Variants in AOX1 observed in about 807,000 individuals in gnomAD.
AOX1 encodes aldehyde oxidase.
A neutral mutation model predicts 169.5 loss-of-function variants in AOX1; 153 were observed. That is an observed-to-expected ratio of 0.90 (90% CI 0.79 to 1.03). The LOEUF is 1.03. Ranked by LOEUF, AOX1 falls within the 50% of genes least tolerant of loss-of-function variation. AOX1 has a pLI of 0.00. For missense variants in AOX1, 1,656 were observed against 1,663.9 expected, an observed-to-expected ratio of 1.00 and a Z score of 0.08; for synonymous variants, 562 against 581.9, an observed-to-expected ratio of 0.97 and a Z score of 0.49.
At chr2:200,635,476 A>G (rs976988808) in intron 21 of AOX1, among the ~76,000 whole-genome samples, 2 of 148,744 alleles carry the variant, frequency 1.3e-5, no homozygotes, top group Non-Finnish European at 3.0e-5. Flanking sequence ...TGGAGAAATT[A>G]GGAAAGAGTT....
At chr2:200,657,830 C>T (rs1048837882) in intron 27 of AOX1, among the ~76,000 whole-genome samples, 1 of 152,134 alleles carries the variant, frequency 6.6e-6, no homozygotes, top group Non-Finnish European at 1.5e-5. Flanking sequence ...AAAACAAAGA[C>T]CCTACACAGT....
intron 9 of AOX1, 70 bp downstream of exon 9, chr2:200,604,910 C>A: frequency 2.2e-6 from 2 of 907,170 alleles, no homozygotes; most frequent in Non-Finnish European, 3.4e-6. Context: ...CCGGGGTGGG[C>A]TGGGGAAACT....
chr2:200,590,867 C>T (rs2034155962), intron 1 of AOX1, among the ~76,000 whole-genome samples: 1 of 152,110 alleles, frequency 6.6e-6, no homozygotes, highest in Non-Finnish European at 1.5e-5. Context: ...ACCCACGTTT[C>T]TTCTCTCTTT....
At chr2:200,641,038 G>A in intron 23 of AOX1, 60 bp from the exon 24 acceptor site, 1 of 1,296,560 alleles carries the variant, frequency 7.7e-7, no homozygotes, top group Non-Finnish European at 1.1e-6. Flanking sequence ...GTTTGCAAAT[G>A]ACAAAATTTG....
chr2:200,597,589 A>C (rs1171025380), intron 4 of AOX1, 84 bp downstream of exon 4: 1 of 994,304 alleles, frequency 1.0e-6, no homozygotes, highest in African/African-American at 1.6e-5. Flanking sequence ...AGAGCGGAGC[A>C]GCCTGGGGCC....
intron 1 of AOX1, among the ~76,000 whole-genome samples, chr2:200,590,882 T>G (rs1574902874): frequency 6.6e-6 from 1 of 152,124 alleles, no homozygotes; most frequent in African/African-American, 2.4e-5. Flanking sequence ...CTCTTTTTTC[T>G]CTCCTGCCAT....
At chr2:200,620,549 T>C in intron 16 of AOX1, 101 bp from the exon 17 acceptor site, 2 of 1,126,870 alleles carry the variant, frequency 1.8e-6, no homozygotes, top group South Asian at 4.1e-5. Context: ...CTGGTTTGAG[T>C]CTAAATTATA....
At chr2:200,665,711 C>A (rs1280881877) in intron 31 of AOX1, among the ~76,000 whole-genome samples, 2 of 152,186 alleles carry the variant, frequency 1.3e-5, no homozygotes, top group Non-Finnish European at 2.9e-5. Flanking sequence ...GGATTACAGG[C>A]ATAAGCCAGC....
chr2:200,596,644 T>C (rs1302001889), intron 3 of AOX1, among the ~76,000 whole-genome samples: 4 of 152,226 alleles, frequency 2.6e-5, no homozygotes, highest in Non-Finnish European at 5.9e-5. Flanking sequence ...TTCTCCTTAT[T>C]CCTGTTTAAG....
intron 7 of AOX1, 80 bp downstream of exon 7, chr2:200,603,436 C>A: frequency 8.9e-7 from 1 of 1,124,352 alleles, no homozygotes; most frequent in Non-Finnish European, 1.3e-6. Context: ...GAACAAATGG[C>A]TACCCAAGTT....
At chr2:200,638,450 C>A in intron 23 of AOX1, 148 bp downstream of exon 23, 3 of 669,812 alleles carry the variant, frequency 4.5e-6, no homozygotes, top group Non-Finnish European at 7.6e-6. Context: ...ATTGGTTGCA[C>A]TGACTTTTAA....
chr2:200,670,601 T>G (rs770180374), intron 34 of AOX1, 28 bp from the exon 35 acceptor site: 22 of 1,601,538 alleles, frequency 1.4e-5, no homozygotes, highest in Non-Finnish European at 1.9e-5. Flanking sequence ...TTCCCAGGTT[T>G]GAACATCCAG....
chr2:200,646,799 C>T (rs2035462194), intron 25 of AOX1, among the ~76,000 whole-genome samples: 1 of 152,072 alleles, frequency 6.6e-6, no homozygotes, highest in Non-Finnish European at 1.5e-5. Context: ...GGCCTTTTAC[C>T]ATTATATAAT....
Position 200,638,250 on chromosome 2 carries a change from G to T in AOX1, c.2516G>T (p.Gly839Val). Residue 839 changes from glycine to valine, a missense_variant, in exon 23 of 35, where the codon GGA becomes GTA. Transcript: ENST00000374700. ...GRAVRCVLER[G>V]EDMLITGGRH... is the part of the protein sequence containing the mutation. ...GCAGTTCGCTGTGTTCTGGAACGAG[G>T]AGAAGACATGTTAATAACTGGAGGC... 1 of 1,613,806 alleles carries T rather than the reference G, an allele frequency of 6.2e-7. No individual in the cohort carries two copies. The highest frequency in any genetic ancestry group is 8.5e-7 in the Non-Finnish European group (1 of 1,179,754).
Position 200,662,913 on chromosome 2 carries a change from G to A in AOX1, c.3487G>A (p.Val1163Ile), listed in dbSNP as rs1435765330. 6.2e-7 allele frequency: 1 copy of A among 1,613,970 alleles called. No individual in the cohort carries two copies. Among genetic ancestry groups the A allele is most frequent in the East Asian group, 2.2e-5 (1 of 44,892 alleles). The change falls in exon 31 of 35, where the codon GTT becomes ATT. Residue 1163 changes from valine (V) to isoleucine (I), a missense_variant. Val to Ile is a conservative substitution (Grantham distance 29). Transcript: ENST00000374700. ...KGEGQPFEYFVYGAACSEVEI... is the reference protein window; with the variant it reads ...KGEGQPFEYFIYGAACSEVEI... ...CGAAGGCCAGCCCTTCGAATACTTT[G>A]TTTATGGAGCTGCCTGTTCCGAGGT...
chr2:200,601,097 A>G (rs944995484), intron 5 of AOX1, among the ~76,000 whole-genome samples: 10 of 95,188 alleles, frequency 1.1e-4, no homozygotes, highest in African/African-American at 3.8e-4. Context: ...TTTTTGTCAC[A>G]GTAAGTGTTA....
chr2:200,650,561 T>C (rs1296795613), intron 25 of AOX1, among the ~76,000 whole-genome samples: 2 of 152,228 alleles, frequency 1.3e-5, no homozygotes, highest in Non-Finnish European at 2.9e-5. Context: ...CGAACTTTCA[T>C]GCTTGCCTGT....
intron 20 of AOX1, among the ~76,000 whole-genome samples, 180 bp from the exon 21 acceptor site, chr2:200,634,611 T>C (rs2035192897): frequency 6.6e-6 from 1 of 152,206 alleles, no homozygotes; most frequent in South Asian, 2.1e-4. Flanking sequence ...AAGATTCTCC[T>C]ATAGAACTTT....
intron 23 of AOX1, 121 bp downstream of exon 23, chr2:200,638,423 C>T (rs890631299): frequency 1.5e-5 from 12 of 816,962 alleles, no homozygotes; most frequent in Non-Finnish European, 2.2e-5. Context: ...AAAAACAGAG[C>T]ATCTATTTAA....
Sources: gnomAD v4.1 joint callset for allele counts (sites outside exome capture counted in the v4.1 genomes callset) on GRCh38, gnomAD v4.1.1 for gene constraint, MANE v1.5 for transcripts, NCBI Gene and HGNC (gene_info 2026-07-23, HGNC 2026-07-21) for gene names.